The following BLTP3B variants were observed in gnomAD, a reference collection of about 807,000 sequenced individuals.
BLTP3B encodes bridge-like lipid transfer protein family member 3B.
At chr12:100,089,586 AC>A in the BLTP3B span, among the ~76,000 whole-genome samples, 1 of 152,152 alleles carries the variant, frequency 6.6e-6, no homozygotes, top group Non-Finnish European at 1.5e-5. Flanking sequence ...AAACAAAAAA[AC>A]AAACAAAAAA....
At chr12:100,115,808 C>G in the BLTP3B span, among the ~76,000 whole-genome samples, 1 of 151,832 alleles carries the variant, frequency 6.6e-6, no homozygotes, top group Admixed American at 6.6e-5. Flanking sequence ...TATAATACAT[C>G]TTGACCAAGT....
the BLTP3B span, among the ~76,000 whole-genome samples, chr12:100,080,255 G>A: frequency 2.6e-5 from 4 of 152,260 alleles, no homozygotes; most frequent in South Asian, 6.2e-4. Context: ...GGTGCCAGCA[G>A]ACACTCAATA....
At chr12:100,118,373 G>C in the BLTP3B span, among the ~76,000 whole-genome samples, 7 of 151,898 alleles carry the variant, frequency 4.6e-5, no homozygotes, top group African/African-American at 1.2e-4. Context: ...GTCTGGGAGA[G>C]TGAGTGAGAC....
chr12:100,092,980 T>G, the BLTP3B span: 1 of 985,170 alleles, frequency 1.0e-6, no homozygotes. Flanking sequence ...TCTAAAGTTC[T>G]GAACTTTTCT....
the BLTP3B span, among the ~76,000 whole-genome samples, chr12:100,117,501 C>T: frequency 0.091 from 13,831 of 152,048 alleles, 662 homozygotes; most frequent in African/African-American, 0.1. Context: ...CTCGTTCTGT[C>T]GCCCAGGCTG....
the BLTP3B span, among the ~76,000 whole-genome samples, chr12:100,139,707 A>G: frequency 6.6e-6 from 1 of 152,248 alleles, no homozygotes; most frequent in Non-Finnish European, 1.5e-5. Flanking sequence ...ATGTATCCAC[A>G]TTCATGCAAC....
the BLTP3B span, chr12:100,060,190 T>G: frequency 1.6e-6 from 1 of 640,568 alleles, no homozygotes; most frequent in South Asian, 3.5e-5. Context: ...AGTGATACAT[T>G]GGAATGATAA....
chr12:100,046,251 A>T, the BLTP3B span, among the ~76,000 whole-genome samples: 1 of 152,346 alleles, frequency 6.6e-6, no homozygotes, highest in Admixed American at 6.5e-5. Flanking sequence ...ATTATAAATC[A>T]TGCTACTATA....
the BLTP3B span, among the ~76,000 whole-genome samples, chr12:100,124,983 T>G: frequency 1.6e-5 from 2 of 128,008 alleles, no homozygotes; most frequent in Non-Finnish European, 3.3e-5. Flanking sequence ...TATATATTTA[T>G]ATTTATTTAT....
chr12:100,128,522 A>C, the BLTP3B span: 1 of 1,114,004 alleles, frequency 9.0e-7, no homozygotes, highest in South Asian at 1.9e-5. Flanking sequence ...AGGGCATATT[A>C]AGTGCTTGCA....
At chr12:100,074,593 C>CAAAAA in the BLTP3B span, among the ~76,000 whole-genome samples, 1 of 69,654 alleles carries the variant, frequency 1.4e-5, no homozygotes, top group Non-Finnish European at 3.0e-5. Flanking sequence ...GACTCTGTTT[C>CAAAAA]AAAAAAAAAA....
At chr12:100,090,005 T>C in the BLTP3B span, among the ~76,000 whole-genome samples, 16 of 152,194 alleles carry the variant, frequency 1.1e-4, no homozygotes, top group Non-Finnish European at 2.2e-4. Context: ...CTGCCATCCA[T>C]GTAAAATGGG....
At chr12:100,063,726 A>G in the BLTP3B span, among the ~76,000 whole-genome samples, 1 of 151,976 alleles carries the variant, frequency 6.6e-6, no homozygotes, top group Non-Finnish European at 1.5e-5. Flanking sequence ...AAAAAAGGAA[A>G]AGAAAAAAAG....
At chr12:100,130,985 GAGAGAGA>G in the BLTP3B span, among the ~76,000 whole-genome samples, 2 of 57,972 alleles carry the variant, frequency 3.4e-5, no homozygotes, top group African/African-American at 4.9e-5. Context: ...GAGGGAGGGA[GAGAGAGA>G]GAGAGAGAGA....
chr12:100,109,347 A>T, the BLTP3B span, among the ~76,000 whole-genome samples: 1 of 152,154 alleles, frequency 6.6e-6, no homozygotes, highest in Non-Finnish European at 1.5e-5. Context: ...ATGTCTTCAT[A>T]GCAGTATAAA....
At chr12:100,129,428 A>G in the BLTP3B span, among the ~76,000 whole-genome samples, 2 of 152,348 alleles carry the variant, frequency 1.3e-5, no homozygotes, top group East Asian at 3.9e-4. Context: ...CAGTCAGTTA[A>G]AAATGTTTTT....
At chr12:100,134,233 A>C in the BLTP3B span, among the ~76,000 whole-genome samples, 3 of 152,174 alleles carry the variant, frequency 2.0e-5, no homozygotes, top group African/African-American at 7.2e-5. Flanking sequence ...CCACAAACAT[A>C]CTTCCATTGT....
At chr12:100,093,775 G>C in the BLTP3B span, among the ~76,000 whole-genome samples, 1 of 152,016 alleles carries the variant, frequency 6.6e-6, no homozygotes, top group African/African-American at 2.4e-5. Flanking sequence ...TATAAAACTT[G>C]GAAAATTGTA....
At chr12:100,102,110 CTTTTT>C in the BLTP3B span, among the ~76,000 whole-genome samples, 1 of 135,096 alleles carries the variant, frequency 7.4e-6, no homozygotes, top group African/African-American at 2.8e-5. Context: ...CAACTTAACT[CTTTTT>C]TTTTTTTTTT....
Sources: allele counts gnomAD v4.1 joint callset (sites outside exome capture counted in the v4.1 genomes callset), GRCh38; gene constraint gnomAD v4.1.1; transcripts MANE v1.5; gene names NCBI Gene and HGNC (gene_info 2026-07-23, HGNC 2026-07-21).